EPB41L5: variants seen among roughly 807,000 people sequenced by gnomAD.
The protein encoded by EPB41L5 is erythrocyte membrane protein band 4.1 like 5.
EPB41L5 carries 55 observed loss-of-function variants against 106.6 expected under a neutral mutation model. That is an observed-to-expected ratio of 0.52 (90% CI 0.42 to 0.65). The LOEUF is 0.65. Ranked by LOEUF, EPB41L5 falls within the 30% of genes least tolerant of loss-of-function variation. The probability of loss-of-function intolerance (pLI) is 0.00; values close to 1 mark genes in which losing one functional copy is unlikely to be tolerated. For missense variants in EPB41L5, 871 were observed against 882.1 expected (o/e 0.99, Z 0.16); for synonymous variants, 297 against 306.7 (o/e 0.97, Z 0.33).
chr2:120,169,144 T>TAAACC, intron 24 of EPB41L5, among the ~76,000 whole-genome samples: 1 of 152,206 alleles, frequency 6.6e-6, no homozygotes, highest in South Asian at 2.1e-4. Flanking sequence ...AAATTACAAA[T>TAAACC]AAACCAATGG....
At chr2:120,075,436 TG>T in intron 5 of EPB41L5, 39 bp from the exon 6 acceptor site, 1 of 1,438,866 alleles carries the variant, frequency 6.9e-7, no homozygotes, top group Non-Finnish European at 9.7e-7. Flanking sequence ...CACAGTCGAT[TG>T]TGCTGTTGGG....
intron 14 of EPB41L5, among the ~76,000 whole-genome samples, chr2:120,098,348 T>TA (rs1174348926): frequency 3.9e-5 from 6 of 152,024 alleles, no homozygotes; most frequent in African/African-American, 1.5e-4. Flanking sequence ...TATCTGAGAC[T>TA]ACTACAGGCA....
intron 2 of EPB41L5, among the ~76,000 whole-genome samples, chr2:120,023,748 A>T (rs751015398): frequency 6.6e-6 from 1 of 152,200 alleles, no homozygotes; most frequent in Non-Finnish European, 1.5e-5. Flanking sequence ...TGGGGATAGC[A>T]TTGAATGTAT....
chr2:120,108,563 A>G (rs1684582002), intron 16 of EPB41L5: 1 of 152,180 alleles, frequency 6.6e-6, no homozygotes, highest in Non-Finnish European at 1.5e-5. Flanking sequence ...AGGTTATGAT[A>G]ATAGGAAGAT....
Position 120,074,090 on chromosome 2 carries a change from TA to T in EPB41L5, c.329-7del, listed in dbSNP as rs777278484. ...ATTTTATTAAAACCTTTTTTTTTTT[TA>T]AATGACAGTTGGTTCACCCTATTGT... On this transcript the variant is annotated splice_polypyrimidine_tract_variant and intron_variant, in intron 4 of 24. Transcript: ENST00000263713. 2.6e-6 allele frequency: 4 copies of T among 1,564,132 alleles called. No homozygotes were observed. Among genetic ancestry groups the T allele is most frequent in the Admixed American group, 1.8e-5 (1 of 54,876 alleles).
intron 2 of EPB41L5, 144 bp from the exon 3 acceptor site, chr2:120,041,862 T>C (rs1679427150): frequency 2.0e-6 from 1 of 509,744 alleles, no homozygotes; most frequent in South Asian, 3.5e-5. Flanking sequence ...TAATGTCTTA[T>C]GCATTATCTG....
chr2:120,025,258 C>T (rs1678226325), intron 2 of EPB41L5, among the ~76,000 whole-genome samples: 1 of 152,150 alleles, frequency 6.6e-6, no homozygotes, highest in Non-Finnish European at 1.5e-5. Flanking sequence ...TCCATTTCTT[C>T]TAGATTTTGT....
At chr2:120,050,699 G>A (rs1478615406) in intron 3 of EPB41L5, among the ~76,000 whole-genome samples, 2 of 152,226 alleles carry the variant, frequency 1.3e-5, no homozygotes, top group Admixed American at 6.5e-5. Flanking sequence ...CGTTTGTGGC[G>A]AGGAGCTGCG....
chr2:120,118,040 G>GT (rs1416821843), intron 16 of EPB41L5, among the ~76,000 whole-genome samples: 47 of 152,098 alleles, frequency 3.1e-4, no homozygotes, highest in Admixed American at 2.6e-4. Flanking sequence ...AGATTGATCC[G>GT]TTTTTTCTTT....
chr2:120,116,637 GCCT>G (rs1684958334), intron 16 of EPB41L5, among the ~76,000 whole-genome samples: 1 of 152,004 alleles, frequency 6.6e-6, no homozygotes, highest in African/African-American at 2.4e-5. Flanking sequence ...TCTCACTTCA[GCCT>G]CCCAAGTAGC....
In EPB41L5 at chr2:120,123,283, G is replaced by A. The variant is rs567947344; in HGVS notation, c.1338-4405G>A. On this transcript the variant is annotated intron_variant, in intron 16 of 24. Transcript: ENST00000263713. ...ACTGTTGTTCACCGCCTCCTCACATGAGGTGTTTTGGTTTTCATTTTCCCC... is the reference window on the plus strand; with the variant it reads ...ACTGTTGTTCACCGCCTCCTCACATAAGGTGTTTTGGTTTTCATTTTCCCC... 2.2e-4 allele frequency among the ~76,000 whole-genome samples: 34 copies of A among 152,194 alleles called. 1 individual carries two copies. The highest frequency in any genetic ancestry group is 1.6e-3 in the Admixed American group (25 of 15,284).
chr2:120,117,072 A>G (rs1027922558), intron 16 of EPB41L5, among the ~76,000 whole-genome samples: 1 of 152,222 alleles, frequency 6.6e-6, no homozygotes, highest in African/African-American at 2.4e-5. Flanking sequence ...AAGTTTATAA[A>G]AAATACAGTT....
Position 120,143,034 on chromosome 2 carries a change from TTAA to T in EPB41L5, c.1636_1638del (p.Asn546del). ...GTGGTGAAGTTGACTGAGAAATGCC[TTAA>T]TAATGTCATTGAGAGCCCAGGATTG... On this transcript the variant is annotated inframe_deletion, in exon 19 of 25. Coordinates refer to ENST00000263713, the MANE Select transcript of EPB41L5 (RefSeq NM_020909.4). 2 of 1,613,086 alleles carry T rather than the reference TTAA, an allele frequency of 1.2e-6. No individual in the cohort carries two copies. Among genetic ancestry groups the T allele is most frequent in the South Asian group, 2.2e-5 (2 of 91,010 alleles).
At chr2:120,143,236 A>G in intron 19 of EPB41L5, 105 bp downstream of exon 19, 3 of 1,241,880 alleles carry the variant, frequency 2.4e-6, no homozygotes, top group Non-Finnish European at 3.3e-6. Context: ...TTAATGGTGC[A>G]GTCAGGGAGT....
intron 18 of EPB41L5, among the ~76,000 whole-genome samples, chr2:120,142,471 A>G (rs1686217275): frequency 6.6e-6 from 1 of 152,152 alleles, no homozygotes; most frequent in Admixed American, 6.6e-5. Context: ...TTCAGCGAGG[A>G]CAGTGGGTGC....
rs571201352 is a variant in EPB41L5 at position 120,050,328 on chromosome 2, T to C, written c.285+8218T>C. 2.2e-4 allele frequency among the ~76,000 whole-genome samples: 34 copies of C among 152,314 alleles called. No individual in the cohort carries two copies. In the South Asian group the frequency reaches 2.9e-3, roughly 13 times the overall value. ...ATCAGACATAGATTTGGTCTTTTCA[T>C]GTAGTCCCATATTTCTTGGAGGCTT... On this transcript the variant is annotated intron_variant, in intron 3 of 24. Coordinates refer to ENST00000263713, the MANE Select transcript of EPB41L5 (RefSeq NM_020909.4).
intron 20 of EPB41L5, among the ~76,000 whole-genome samples, chr2:120,155,435 CTT>C (rs887777730): frequency 2.6e-5 from 4 of 152,204 alleles, no homozygotes; most frequent in Non-Finnish European, 5.9e-5. Context: ...GAGAATCTCT[CTT>C]TGTTTTTGTC....
intron 3 of EPB41L5, among the ~76,000 whole-genome samples, chr2:120,043,395 G>A (rs969942790): frequency 6.6e-6 from 1 of 151,714 alleles, no homozygotes; most frequent in African/African-American, 2.4e-5. Flanking sequence ...ACAAAAATTA[G>A]CTGGGCCTGG....
chr2:120,073,188 A>G lies in EPB41L5; in HGVS notation c.296A>G (p.Asp99Gly). ...GTTTTTGTTTTTCAGCATTGGTTGG[A>G]TGGTACAAAAAGCATCAAAAAGCAA... ...MDSAQVAHWLDGTKSIKKQVK... is the reference protein window; with the variant it reads ...MDSAQVAHWLGGTKSIKKQVK... The change falls in exon 4 of 25, where the codon GAT becomes GGT. Residue 99 changes from aspartate (D) to glycine (G), a missense_variant. Transcript: ENST00000263713. 1.2e-6 allele frequency: 2 copies of G among 1,606,656 alleles called. No individual in the cohort carries two copies. The highest frequency in any genetic ancestry group is 1.7e-6 in the Non-Finnish European group (2 of 1,178,430).
Sources: gnomAD v4.1 joint callset for allele counts (sites outside exome capture counted in the v4.1 genomes callset) on GRCh38, gnomAD v4.1.1 for gene constraint, MANE v1.5 for transcripts, NCBI Gene and HGNC (gene_info 2026-07-23, HGNC 2026-07-21) for gene names.